Variants in ATRN observed in about 807,000 individuals in gnomAD.
ATRN encodes the protein attractin.
ATRN carries 54 observed loss-of-function variants against 178.7 expected under a neutral mutation model. The observed-to-expected ratio is 0.30, with a 90% CI of 0.24 to 0.38. The LOEUF is 0.38. Ranked by LOEUF, ATRN falls within the 10% of genes least tolerant of loss-of-function variation. The pLI is 1.00. For missense variants in ATRN, 1,443 were observed against 1,815.1 expected (o/e 0.79, Z 3.73); for synonymous variants, 636 against 663.0 (o/e 0.96, Z 0.63).
intron 18 of ATRN, among the ~76,000 whole-genome samples, chr20:3,585,886 A>G (rs918036648): frequency 6.6e-6 from 1 of 152,218 alleles, no homozygotes; most frequent in Non-Finnish European, 1.5e-5. Context: ...TCAAAGCCAC[A>G]ATGAGATACC....
At chr20:3,500,416 G>T (rs1410999316) in intron 1 of ATRN, among the ~76,000 whole-genome samples, 1 of 151,978 alleles carries the variant, frequency 6.6e-6, no homozygotes, top group Admixed American at 6.6e-5. Context: ...ATTCACAATA[G>T]CAAAGACTTG....
At chr20:3,560,957 C>G (rs901538796) in intron 8 of ATRN, 52 bp downstream of exon 8, 5 of 1,582,518 alleles carry the variant, frequency 3.2e-6, no homozygotes, top group Non-Finnish European at 4.3e-6. Context: ...TTTAAAACCT[C>G]TAAGCTTATT....
chr20:3,624,591 A>T lies in ATRN; in HGVS notation c.3863+19A>T, dbSNP rs2086922095. The T allele has an allele frequency of 6.3e-7, 1 of 1,595,190 alleles. No individual in the cohort carries two copies. The highest frequency in any genetic ancestry group is 1.1e-5 in the South Asian group (1 of 90,408). ...TCTTCAGGTAATTTTGCTTATACAG[A>T]CTCTCTCTGTTCTTTTGATTTAGGC... On this transcript the variant is annotated intron_variant, in intron 25 of 28. Transcript: ENST00000262919.
At chr20:3,497,918 A>T (rs1482074770) in intron 1 of ATRN, among the ~76,000 whole-genome samples, 12 of 152,026 alleles carry the variant, frequency 7.9e-5, no homozygotes, top group Non-Finnish European at 2.9e-5. Context: ...CATTTCATCA[A>T]CAAAATTGAT....
At chr20:3,609,598 A>G (rs566800165) in intron 24 of ATRN, among the ~76,000 whole-genome samples, 4 of 152,280 alleles carry the variant, frequency 2.6e-5, no homozygotes, top group East Asian at 1.9e-4. Context: ...GTCTGTGTTC[A>G]TGAAACCCTT....
intron 1 of ATRN, among the ~76,000 whole-genome samples, chr20:3,524,812 TA>T (rs754242784): frequency 9.9e-5 from 15 of 152,104 alleles, no homozygotes; most frequent in Non-Finnish European, 2.1e-4. Flanking sequence ...GACTACTGGG[TA>T]AATAACGAAA....
At chr20:3,592,522 C>T (rs962096811) in intron 19 of ATRN, 2 of 967,446 alleles carry the variant, frequency 2.1e-6, no homozygotes, top group South Asian at 4.8e-5. Context: ...TATTAATGAA[C>T]TGCTTTTTTT....
intron 1 of ATRN, among the ~76,000 whole-genome samples, chr20:3,533,234 C>A (rs935753753): frequency 6.6e-6 from 1 of 152,212 alleles, no homozygotes; most frequent in African/African-American, 2.4e-5. Flanking sequence ...ACACACTTTC[C>A]TAAGAATAAG....
chr20:3,639,348 G>C (rs758894393), intron 27 of ATRN, among the ~76,000 whole-genome samples: 2 of 152,094 alleles, frequency 1.3e-5, no homozygotes, highest in Non-Finnish European at 2.9e-5. Context: ...TACCTCCCGG[G>C]TTCAAGCGAT....
chr20:3,491,341 C>G lies in ATRN; in HGVS notation c.410+19824C>G, dbSNP rs1002641018. On this transcript the variant is annotated intron_variant, in intron 1 of 28. Coordinates refer to ENST00000262919, the MANE Select transcript of ATRN (RefSeq NM_139321.3). ...ATCATAGGGGCAGCAGTGTCCACAG[C>G]TTGTCAAATCCAGTGGTTAATTCTC... Among the ~76,000 whole-genome samples the G allele has an allele frequency of 2.0e-5, 3 of 152,184 alleles. No individual in the cohort carries two copies. The South Asian group carries it at 6.2e-4, about 31-fold the overall frequency.
chr20:3,634,614 A>C (rs1003502479), intron 26 of ATRN, among the ~76,000 whole-genome samples: 5 of 152,160 alleles, frequency 3.3e-5, no homozygotes, highest in Non-Finnish European at 7.3e-5. Flanking sequence ...ACAGTGTCTT[A>C]CCTTCCGAAA....
At chr20:3,577,279 C>T (rs886490702) in intron 14 of ATRN, among the ~76,000 whole-genome samples, 1 of 152,182 alleles carries the variant, frequency 6.6e-6, no homozygotes, top group African/African-American at 2.4e-5. Flanking sequence ...GTCTCTTTCC[C>T]ATCCACCTTT....
At chr20:3,475,329 A>C (rs2084510077) in intron 1 of ATRN, among the ~76,000 whole-genome samples, 1 of 152,194 alleles carries the variant, frequency 6.6e-6, no homozygotes, top group Non-Finnish European at 1.5e-5. Flanking sequence ...AGTGCAGACT[A>C]TGTGCCACAG....
chr20:3,547,186 GAGAC>G (rs2085715961), intron 4 of ATRN, 94 bp from the exon 5 acceptor site: 1 of 970,070 alleles, frequency 1.0e-6, no homozygotes, highest in Admixed American at 2.0e-5. Flanking sequence ...TGAATGAACT[GAGAC>G]AGTGAGATTC....
intron 25 of ATRN, among the ~76,000 whole-genome samples, chr20:3,629,831 G>A (rs1285451426): frequency 6.6e-6 from 1 of 152,216 alleles, no homozygotes; most frequent in Non-Finnish European, 1.5e-5. Flanking sequence ...AATAGGACAA[G>A]GCATGGGGGT....
At chr20:3,634,290 C>G (rs1366916895) in intron 25 of ATRN, 21 bp from the exon 26 acceptor site, 1 of 1,609,538 alleles carries the variant, frequency 6.2e-7, no homozygotes, top group African/African-American at 1.3e-5. Flanking sequence ...GATAATAACT[C>G]AGTACTTTCC....
intron 2 of ATRN, 116 bp from the exon 3 acceptor site, chr20:3,540,106 G>T: frequency 1.8e-6 from 1 of 548,408 alleles, no homozygotes; most frequent in South Asian, 2.8e-5. Context: ...AATACTGGTG[G>T]GGCAGTTGTT....
chr20:3,538,769 A>T (rs1176455416), intron 2 of ATRN, among the ~76,000 whole-genome samples: 1 of 152,054 alleles, frequency 6.6e-6, no homozygotes, highest in Non-Finnish European at 1.5e-5. Context: ...TGGGCCACTT[A>T]ATAGCCTTGA....
rs1040456342 is a variant in ATRN at position 3,611,623 on chromosome 20, T to C, written c.3801+7361T>C. On this transcript the variant is annotated intron_variant, in intron 24 of 28. Transcript: ENST00000262919. ...CAGGCATGGTGGCACATGCCTATAG[T>C]CCCAGCTACTCAGGATACTGAGGCA... Among the ~76,000 whole-genome samples the C allele has an allele frequency of 7.2e-5, 11 of 152,100 alleles. No homozygotes were observed. The East Asian group carries it at 1.9e-3, about 27-fold the overall frequency.
Sources: allele counts gnomAD v4.1 joint callset (sites outside exome capture counted in the v4.1 genomes callset), GRCh38; gene constraint gnomAD v4.1.1; transcripts MANE v1.5; gene names NCBI Gene and HGNC (gene_info 2026-07-23, HGNC 2026-07-21).